The following SLC19A2 variants were observed in gnomAD, a reference collection of about 807,000 sequenced individuals.
SLC19A2 encodes thiamine transporter 1.
SLC19A2 carries 27 observed loss-of-function variants against 44.7 expected under a neutral mutation model. The ratio of observed to expected loss-of-function variants is 0.60; its 90% confidence interval spans 0.45 to 0.83. SLC19A2 has a LOEUF of 0.83. Ranked by LOEUF, SLC19A2 falls within the 40% of genes least tolerant of loss-of-function variation. The pLI is 0.00. For missense variants in SLC19A2, 566 were observed against 613.7 expected (o/e 0.92, Z 0.82); for synonymous variants, 239 against 243.6 (o/e 0.98, Z 0.18).
intron 1 of SLC19A2, among the ~76,000 whole-genome samples, chr1:169,483,638 T>G (rs1347947686): frequency 6.6e-6 from 1 of 152,234 alleles, no homozygotes; most frequent in African/African-American, 2.4e-5. Flanking sequence ...TCACTCACCT[T>G]GAAAAGCTTT....
chr1:169,471,411 C>T (rs1431131057), intron 2 of SLC19A2, among the ~76,000 whole-genome samples: 1 of 150,820 alleles, frequency 6.6e-6, no homozygotes, highest in Non-Finnish European at 1.5e-5. Flanking sequence ...AGGAGAAATG[C>T]TTGAACCCAG....
intron 1 of SLC19A2, among the ~76,000 whole-genome samples, chr1:169,483,730 T>G (rs984019717): frequency 6.6e-6 from 1 of 152,192 alleles, no homozygotes; most frequent in Non-Finnish European, 1.5e-5. Context: ...CAGATCAGCT[T>G]TCAAATATCA....
chr1:169,485,578 G>A lies in SLC19A2; in HGVS notation c.189C>T (p.Asn63=). 1 of 1,586,710 alleles carries A rather than the reference G, an allele frequency of 6.3e-7. No individual in the cohort carries two copies. Among genetic ancestry groups the A allele is most frequent in the East Asian group, 2.3e-5 (1 of 43,162 alleles). The change falls in exon 1 of 6, where the codon AAC becomes AAT. Residue 63 remains asparagine (N), a synonymous_variant. Transcript: ENST00000236137. ...LTPYLLGPDK[N]LTEREVFNEI... ...CCGCGCGTACCTCCCTCTCGGTCAG[G>A]TTCTTGTCCGGCCCCAGCAGGTACG... is the stretch of plus-strand genomic sequence containing the variant.
intron 3 of SLC19A2, among the ~76,000 whole-genome samples, 193 bp downstream of exon 3, chr1:169,469,771 G>C (rs1658121259): frequency 6.6e-6 from 1 of 152,126 alleles, no homozygotes. Context: ...AAAAATTCCA[G>C]TTTGTTAGTC....
intron 1 of SLC19A2, among the ~76,000 whole-genome samples, chr1:169,480,319 C>CT (rs950612502): frequency 3.9e-4 from 58 of 148,870 alleles, no homozygotes; most frequent in African/African-American, 1.3e-3. Flanking sequence ...TGTCAGCTTT[C>CT]TTTTTTTTTT....
chr1:169,485,763 C>A lies in SLC19A2; in HGVS notation c.4G>T (p.Asp2Tyr), dbSNP rs1468840175. 11 of 1,531,834 alleles carry A rather than the reference C, an allele frequency of 7.2e-6. No homozygotes were observed. The Admixed American group carries it at 1.8e-4, about 25-fold the overall frequency. 94.9% of individuals were successfully genotyped at this position (1,531,834 alleles called of 1,614,324 possible). The change falls in exon 1 of 6, where the codon GAT (aspartate) becomes TAT (tyrosine). Residue 2 changes from aspartate (D) to tyrosine (Y), a missense_variant. Transcript: ENST00000236137. ...CGCCGAGACACCGGGCCGGGCACAT[C>A]CATCCGGGGCGCGAGGGGAGGGGAC... M[D>Y]VPGPVSRRAA...
chr1:169,467,752 G>C (rs1658070455), intron 5 of SLC19A2, among the ~76,000 whole-genome samples: 1 of 152,104 alleles, frequency 6.6e-6, no homozygotes, highest in Admixed American at 6.6e-5. Context: ...AGATGAAGCA[G>C]GGAATCTCAA....
At chr1:169,477,060 A>T (rs1658336697) in intron 2 of SLC19A2, 95 bp downstream of exon 2, 1 of 1,361,576 alleles carries the variant, frequency 7.3e-7, no homozygotes, top group Non-Finnish European at 1.0e-6. Flanking sequence ...GAATCCAAAT[A>T]AATACAAGAT....
intron 2 of SLC19A2, among the ~76,000 whole-genome samples, chr1:169,474,401 T>A (rs966008155): frequency 1.3e-5 from 2 of 152,198 alleles, no homozygotes; most frequent in African/African-American, 4.8e-5. Flanking sequence ...TTCTAATAGA[T>A]GAAGAACTCA....
chr1:169,482,490 G>A (rs1009118054), intron 1 of SLC19A2, among the ~76,000 whole-genome samples: 1 of 152,078 alleles, frequency 6.6e-6, no homozygotes, highest in Non-Finnish European at 1.5e-5. Context: ...GCAGTGAGCC[G>A]AGATCGCACC....
At chr1:169,466,159 G>A (rs1657981374) in intron 5 of SLC19A2, among the ~76,000 whole-genome samples, 182 bp from the exon 6 acceptor site, 1 of 152,182 alleles carries the variant, frequency 6.6e-6, no homozygotes, top group Admixed American at 6.5e-5. Flanking sequence ...CTGACTGCCT[G>A]AGTGTGAATC....
rs115226536 is a variant in SLC19A2 at position 169,467,431 on chromosome 1, G to A, written c.1365+680C>T. Among the ~76,000 whole-genome samples the A allele has an allele frequency of 9.6e-3, 1,464 of 152,196 alleles. 16 individuals carry two copies. Among genetic ancestry groups the A allele is most frequent in the Non-Finnish European group, 0.017 (1,173 of 68,012 alleles). On this transcript the variant is annotated intron_variant, in intron 5 of 5. Coordinates refer to ENST00000236137, the MANE Select transcript of SLC19A2 (RefSeq NM_006996.3). ...CTTCAGTAAAAACAAAGTTAATTAC[G>A]GCTAATATGTTGGGAAGAAATCATT...
At chr1:169,477,909 TTC>T (rs1658362384) in intron 1 of SLC19A2, 152 bp from the exon 2 acceptor site, 1 of 834,054 alleles carries the variant, frequency 1.2e-6, no homozygotes, top group African/African-American at 1.7e-5. Flanking sequence ...AAAATGTCTT[TTC>T]TCTCTTTTTT....
intron 2 of SLC19A2, among the ~76,000 whole-genome samples, chr1:169,472,580 CT>C (rs1259995512): frequency 3.3e-5 from 5 of 152,098 alleles, no homozygotes; most frequent in Non-Finnish European, 5.9e-5. Context: ...TATTGCATAG[CT>C]TAAAAAGTCA....
At position 169,470,068 on chromosome 1, in the gene SLC19A2, T is replaced by A; in HGVS notation, c.926A>T (p.Tyr309Phe). Residue 309 changes from tyrosine (Y) to phenylalanine (F), a missense_variant, in exon 3 of 6, where the codon TAT (tyrosine) becomes TTT (phenylalanine). Coordinates refer to ENST00000236137, the MANE Select transcript of SLC19A2 (RefSeq NM_006996.3). Reference sequence around the variant, plus strand: ...CTGTGTGTAGTTCACAACTTGAAAATAGCCACAGGTAGAGAGGGCCCACCA... The same window carrying A: ...CTGTGTGTAGTTCACAACTTGAAAAAAGCCACAGGTAGAGAGGGCCCACCA... ...SVWWALSTCG[Y>F]FQVVNYTQGL... is the part of the protein sequence containing the mutation. 1.9e-6 allele frequency: 3 copies of A among 1,613,784 alleles called. No homozygotes were observed. Among genetic ancestry groups the A allele is most frequent in the Non-Finnish European group, 2.5e-6 (3 of 1,179,904 alleles).
In SLC19A2 at chr1:169,485,701, G is replaced by T. The variant is rs937654213; in HGVS notation, c.66C>A (p.Thr22=). The T allele has an allele frequency of 2.6e-6, 4 of 1,545,536 alleles. No individual in the cohort carries two copies. The East Asian group carries it at 7.3e-5, about 28-fold the overall frequency. Residue 22 remains threonine (T), a synonymous_variant, in exon 1 of 6, where the codon ACC becomes ACA. Transcript: ENST00000236137. ...ACCAGCATTCGCGACGGACCCGAGCGGTCCGCAGGAGCACAGTGGCCGCCG... is the reference window on the plus strand; with the variant it reads ...ACCAGCATTCGCGACGGACCCGAGCTGTCCGCAGGAGCACAGTGGCCGCCG... ...AAAAATVLLR[T]ARVRRECWFL...
rs1321148381 is a variant in SLC19A2 at position 169,464,692 on chromosome 1, G to A, written c.*1157C>T. On this transcript the variant is annotated 3_prime_UTR_variant, in exon 6 of 6. Transcript: ENST00000236137. ...TATAGAACATTTTTTCAAGTAACTT[G>A]GTAATGAAATCACTAGCAATTTTAA... The A allele has an allele frequency of 6.6e-6, 1 of 152,448 alleles. No homozygotes were observed. Among genetic ancestry groups the A allele is most frequent in the Non-Finnish European group, 1.5e-5 (1 of 67,996 alleles). The allele number at this position is 152,448 out of a possible 1,614,324, so 9.4% of individuals were successfully genotyped here.
chr1:169,471,369 C>T (rs1221723863), intron 2 of SLC19A2, among the ~76,000 whole-genome samples: 2 of 151,692 alleles, frequency 1.3e-5, no homozygotes, highest in African/African-American at 4.8e-5. Context: ...GTGGCTCACA[C>T]CTGGAATCAT....
chr1:169,480,575 G>A (rs886248012), intron 1 of SLC19A2, among the ~76,000 whole-genome samples: 3 of 152,084 alleles, frequency 2.0e-5, no homozygotes, highest in African/African-American at 7.2e-5. Context: ...GCCTCCCAAA[G>A]TGCTGTGAAC....
Sources: allele counts gnomAD v4.1 joint callset (sites outside exome capture counted in the v4.1 genomes callset), GRCh38; gene constraint gnomAD v4.1.1; transcripts MANE v1.5; gene names NCBI Gene and HGNC (gene_info 2026-07-23, HGNC 2026-07-21).